KIAA1217: variants seen among roughly 807,000 people sequenced by gnomAD.
KIAA1217 encodes the protein KIAA1217.
Under a neutral mutation model 163.9 loss-of-function variants are expected in KIAA1217, and 88 were observed. That is an observed-to-expected ratio of 0.54 (90% confidence interval 0.45 to 0.64). The LOEUF is 0.64. Among genes scored for constraint, KIAA1217 ranks in the 30% least tolerant of loss-of-function variants. The probability of loss-of-function intolerance (pLI) is 0.00; values close to 1 mark genes in which losing one functional copy is unlikely to be tolerated. For missense variants in KIAA1217, 2,372 were observed against 2,475.0 expected (o/e 0.96, Z 0.88); for synonymous variants, 903 against 923.1 (o/e 0.98, Z 0.39).
In KIAA1217 at chr10:24,473,382, G is replaced by A. The variant is rs772954655; in HGVS notation, c.1001G>A (p.Gly334Asp). ...PPSPSRIPYG[G>D]TRSMVVPGNA... is the part of the protein sequence containing the mutation. ...TCCCCGTCCAGAATTCCTTATGGGG[G>A]CACCCGCTCCATGGTTGTTCCTGGC... Residue 334 changes from glycine (G) to aspartate (D), a missense_variant, in exon 6 of 21, where the codon GGC (glycine) becomes GAC (aspartate). By Grantham distance (94) the Gly-to-Asp change is moderately conservative. This residue lies in a region of KIAA1217 where 1,431 missense variants were observed against 1,470.3 expected (regional missense o/e 0.97). Coordinates refer to ENST00000376454, the MANE Select transcript of KIAA1217 (RefSeq NM_019590.5). 3.1e-6 allele frequency: 5 copies of A among 1,612,110 alleles called. No individual in the cohort carries two copies. Among genetic ancestry groups the A allele is most frequent in the African/African-American group, 1.3e-5 (1 of 74,782 alleles).
In KIAA1217 at chr10:23,917,368, G is replaced by A. The variant is rs1303175625; in HGVS notation, c.-320-89857G>A. Among the ~76,000 whole-genome samples, 4 of 152,114 alleles carry A rather than the reference G, an allele frequency of 2.6e-5. No individual in the cohort carries two copies. In the East Asian group the frequency reaches 7.7e-4, roughly 29 times the overall value. ...GGGCAGTAGGGCATCTGAGACAAGGGGATACTCAGGTTCTTACTCCTCACT... is the reference window on the plus strand; with the variant it reads ...GGGCAGTAGGGCATCTGAGACAAGGAGATACTCAGGTTCTTACTCCTCACT... On this transcript the variant is annotated intron_variant, in intron 1 of 18. Coordinates refer to the KIAA1217 transcript ENST00000376462.
At chr10:23,768,442 C>T (rs532250531) in intron 1 of KIAA1217, among the ~76,000 whole-genome samples, 1 of 152,220 alleles carries the variant, frequency 6.6e-6, no homozygotes, top group East Asian at 1.9e-4. Flanking sequence ...TATTGTGCCC[C>T]TGGCCCCTTG....
chr10:24,459,982 A>AAAATGCTAGTACCGGGACT lies in KIAA1217; in HGVS notation c.847-13236_847-13235insACCGGGACTAAATGCTAGT, dbSNP rs1166095717. Among the ~76,000 whole-genome samples the AAAATGCTAGTACCGGGACT allele has an allele frequency of 5.7e-4, 87 of 152,276 alleles. 1 individual carries two copies. The East Asian group carries it at 0.017, about 29-fold the overall frequency. On this transcript the variant is annotated intron_variant, in intron 5 of 20. Transcript: ENST00000376454. ...AGAAAACAATGTTAACACCTGGACCAAAATGCTAGTTCCGGGACTCCCCAT... is the reference window on the plus strand; with the variant it reads ...AGAAAACAATGTTAACACCTGGACCAAAATGCTAGTACCGGGACTAAATGCTAGTTCCGGGACTCCCCAT...
rs78071965 is a variant in KIAA1217 at position 24,307,028 on chromosome 10, G to A, written c.355-73841G>A. On this transcript the variant is annotated intron_variant, in intron 2 of 20. Transcript: ENST00000376454. Reference sequence around the variant, plus strand: ...TTCTCCCAGTTTTTAGACTGTAGCCGTTTAATTACAATGCAGCAGCTTTCA... The same window carrying A: ...TTCTCCCAGTTTTTAGACTGTAGCCATTTAATTACAATGCAGCAGCTTTCA... Among the ~76,000 whole-genome samples the A allele has an allele frequency of 4.4e-3, 663 of 152,284 alleles. 5 individuals are homozygous for A. Among genetic ancestry groups the A allele is most frequent in the Non-Finnish European group, 6.3e-3 (428 of 68,010 alleles).
chr10:24,104,171 C>T (rs965734264), intron 2 of KIAA1217, among the ~76,000 whole-genome samples: 1 of 152,036 alleles, frequency 6.6e-6, no homozygotes, highest in South Asian at 2.1e-4. Flanking sequence ...GGTATTTACC[C>T]AAAGAGAAGT....
chr10:24,521,941 C>T lies in KIAA1217; in HGVS notation c.2456+12C>T, dbSNP rs1204543445. The T allele has an allele frequency of 1.3e-6, 2 of 1,599,626 alleles. No individual in the cohort carries two copies. The highest frequency in any genetic ancestry group is 1.3e-5 in the African/African-American group (1 of 74,706). ...ACCATGCTGCGGAGGTGACCGGGCCCTCATCGTGCTGGGGGTGGCCTGCGG... is the reference window on the plus strand; with the variant it reads ...ACCATGCTGCGGAGGTGACCGGGCCTTCATCGTGCTGGGGGTGGCCTGCGG... On this transcript the variant is annotated intron_variant, in intron 12 of 20. Coordinates refer to ENST00000376454, the MANE Select transcript of KIAA1217 (RefSeq NM_019590.5).
At chr10:24,493,520 C>A (rs1268102691) in intron 6 of KIAA1217, among the ~76,000 whole-genome samples, 1 of 152,188 alleles carries the variant, frequency 6.6e-6, no homozygotes, top group African/African-American at 2.4e-5. Flanking sequence ...TTCTGCGAAA[C>A]GTCCATTGTC....
intron 2 of KIAA1217, among the ~76,000 whole-genome samples, chr10:24,198,347 G>A (rs2067085971): frequency 1.3e-5 from 2 of 152,196 alleles, no homozygotes; most frequent in Admixed American, 1.3e-4. Flanking sequence ...GGTGGCTCAT[G>A]CCTGTAATCC....
At chr10:24,523,312 G>A (rs1374646253) in intron 12 of KIAA1217, among the ~76,000 whole-genome samples, 1 of 152,092 alleles carries the variant, frequency 6.6e-6, no homozygotes, top group East Asian at 1.9e-4. Context: ...ACAGAGCGAG[G>A]CCCTGTTTCT....
At chr10:24,305,090 G>A (rs1448099547) in intron 2 of KIAA1217, among the ~76,000 whole-genome samples, 8 of 152,274 alleles carry the variant, frequency 5.3e-5, no homozygotes, top group Non-Finnish European at 1.0e-4. Context: ...AAAGTTCTTT[G>A]AGCCTTGACT....
At chr10:24,282,056 C>CA (rs1376864924) in intron 2 of KIAA1217, among the ~76,000 whole-genome samples, 1 of 151,596 alleles carries the variant, frequency 6.6e-6, no homozygotes, top group East Asian at 1.9e-4. Flanking sequence ...GACTCCATCT[C>CA]AACAACAACA....
chr10:24,355,327 G>A (rs1018777852), intron 2 of KIAA1217, among the ~76,000 whole-genome samples: 7 of 152,278 alleles, frequency 4.6e-5, no homozygotes, highest in Non-Finnish European at 8.8e-5. Flanking sequence ...CCATCGACTT[G>A]GGGGCTTAAA....
intron 2 of KIAA1217, among the ~76,000 whole-genome samples, chr10:24,279,639 G>A (rs1447756631): frequency 6.6e-6 from 1 of 152,100 alleles, no homozygotes; most frequent in Non-Finnish European, 1.5e-5. Flanking sequence ...ATCAAAAAGT[G>A]TAATGAAATT....
At chr10:24,058,347 T>C (rs1426212942) in intron 2 of KIAA1217, among the ~76,000 whole-genome samples, 1 of 152,230 alleles carries the variant, frequency 6.6e-6, no homozygotes, top group East Asian at 1.9e-4. Context: ...AGCTTTGTTC[T>C]TTCTTCTGAA....
At chr10:24,023,801 C>G (rs189791047) in intron 2 of KIAA1217, among the ~76,000 whole-genome samples, 1 of 151,500 alleles carries the variant, frequency 6.6e-6, no homozygotes, top group African/African-American at 2.4e-5. Context: ...AACACAAATA[C>G]GTATGACAAC....
chr10:23,996,717 A>T (rs1032024589), intron 1 of KIAA1217, among the ~76,000 whole-genome samples: 17 of 152,298 alleles, frequency 1.1e-4, no homozygotes, highest in African/African-American at 3.8e-4. Flanking sequence ...AAATTATAAA[A>T]TTTTAATATA....
rs1376676656 is a variant in KIAA1217 at position 24,176,819 on chromosome 10, G to A, written c.-170-42807G>A. Among the ~76,000 whole-genome samples the A allele has an allele frequency of 3.3e-5, 5 of 152,210 alleles. No homozygotes were observed. The South Asian group carries it at 6.2e-4, about 19-fold the overall frequency. On this transcript the variant is annotated intron_variant, in intron 2 of 18. Coordinates refer to the KIAA1217 transcript ENST00000376462. ...AGGCTCAAGCCATGCGGTAGCCCAC[G>A]GGGCAGGGGAGGCTCAGGCATGGCG...
intron 2 of KIAA1217, among the ~76,000 whole-genome samples, chr10:24,061,597 G>T (rs1391004936): frequency 6.6e-6 from 1 of 152,126 alleles, no homozygotes; most frequent in South Asian, 2.1e-4. Flanking sequence ...TCTCAGCTCT[G>T]TATGTCCTGA....
chr10:24,186,844 G>A (rs533313169), intron 2 of KIAA1217, among the ~76,000 whole-genome samples: 4 of 152,116 alleles, frequency 2.6e-5, no homozygotes, highest in South Asian at 2.1e-4. Flanking sequence ...GGGCCAAGAC[G>A]GTGGCACTGC....
Sources: gnomAD v4.1 joint callset for allele counts (sites outside exome capture counted in the v4.1 genomes callset) on GRCh38, gnomAD v4.1.1 for gene constraint, gnomAD v4.1.1 regional missense constraint, MANE v1.5 for transcripts, NCBI Gene and HGNC (gene_info 2026-07-23, HGNC 2026-07-21) for gene names.